The following FGF12 variants were observed in gnomAD, a reference collection of about 807,000 sequenced individuals.
The protein encoded by FGF12 is fibroblast growth factor 12.
Under a neutral mutation model 23.6 loss-of-function variants are expected in FGF12, and 14 were observed. That is an observed-to-expected ratio of 0.59 (90% CI 0.39 to 0.93). The LOEUF (loss-of-function observed/expected upper bound fraction) is 0.93, where lower values mean the gene tolerates loss of function less well. Ranked by LOEUF, FGF12 falls within the 40% of genes least tolerant of loss-of-function variation. The probability of loss-of-function intolerance (pLI) is 0.00; values close to 1 mark genes in which losing one functional copy is unlikely to be tolerated. For synonymous variants in FGF12, 62 were observed against 77.3 expected (o/e 0.80, Z 1.04); for missense variants, 175 against 217.8 (o/e 0.80, Z 1.24).
chr3:192,654,281 T>C (rs896887038), intron 2 of FGF12, among the ~76,000 whole-genome samples: 2 of 152,314 alleles, frequency 1.3e-5, no homozygotes, highest in Middle Eastern at 3.4e-3. Context: ...TAATTAGCAT[T>C]AATGGGTAAT....
chr3:192,546,402 T>A (rs1725494879), intron 2 of FGF12, among the ~76,000 whole-genome samples: 1 of 151,072 alleles, frequency 6.6e-6, no homozygotes, highest in Non-Finnish European at 1.5e-5. Context: ...TATATATATA[T>A]AATTCATAAA....
chr3:192,663,511 A>G (rs1716745877), intron 2 of FGF12, among the ~76,000 whole-genome samples: 1 of 152,092 alleles, frequency 6.6e-6, no homozygotes, highest in Non-Finnish European at 1.5e-5. Flanking sequence ...GCAGATGAGT[A>G]CCCTCAGCCA....
At chr3:192,683,293 A>G (rs561805819) in intron 2 of FGF12, among the ~76,000 whole-genome samples, 1 of 152,306 alleles carries the variant, frequency 6.6e-6, no homozygotes, top group South Asian at 2.1e-4. Flanking sequence ...GGTTAGTGTC[A>G]GATTTGACTT....
At chr3:192,627,879 T>TGTGTGTGTGTGTGTG (rs528823629) in intron 2 of FGF12, among the ~76,000 whole-genome samples, 1 of 151,904 alleles carries the variant, frequency 6.6e-6, no homozygotes, top group Non-Finnish European at 1.5e-5. Context: ...TGTGTGTGTG[T>TGTGTGTGTGTGTGTG]TTAGTTATAT....
chr3:192,554,188 A>C (rs1027389214), intron 2 of FGF12, among the ~76,000 whole-genome samples: 1 of 152,190 alleles, frequency 6.6e-6, no homozygotes, highest in South Asian at 2.1e-4. Flanking sequence ...GATAACATAC[A>C]ACAGACAGAG....
chr3:192,308,714 T>G (rs1416319089), intron 4 of FGF12, among the ~76,000 whole-genome samples: 1 of 151,638 alleles, frequency 6.6e-6, no homozygotes, highest in East Asian at 1.9e-4. Context: ...ACAAATAAAT[T>G]TAAAAAAATA....
chr3:192,492,942 G>A (rs1723842131), intron 2 of FGF12, among the ~76,000 whole-genome samples: 1 of 149,208 alleles, frequency 6.7e-6, no homozygotes, highest in African/African-American at 2.5e-5. Flanking sequence ...TATCATGCCT[G>A]GTTAATTTTT....
chr3:192,451,467 C>A (rs1467567268), intron 2 of FGF12, among the ~76,000 whole-genome samples: 1 of 152,158 alleles, frequency 6.6e-6, no homozygotes. Context: ...AACCAGCCTA[C>A]TGTACCAGGA....
intron 2 of FGF12, among the ~76,000 whole-genome samples, chr3:192,620,243 C>T (rs778955659): frequency 5.5e-5 from 4 of 73,202 alleles, no homozygotes; most frequent in African/African-American, 1.2e-4. Context: ...CACACACACG[C>T]GCGCGCGCGC....
At chr3:192,704,656 A>C (rs1718409915) in intron 2 of FGF12, among the ~76,000 whole-genome samples, 1 of 152,224 alleles carries the variant, frequency 6.6e-6, no homozygotes, top group Admixed American at 6.5e-5. Context: ...CTAACAAAAA[A>C]GTGAGCCTGT....
At chr3:192,638,575 C>T (rs1347609045) in intron 2 of FGF12, among the ~76,000 whole-genome samples, 1 of 152,218 alleles carries the variant, frequency 6.6e-6, no homozygotes, top group East Asian at 1.9e-4. Context: ...CAGTAAAGCA[C>T]TCACTGGCAA....
chr3:192,651,511 T>C (rs971403398), intron 2 of FGF12, among the ~76,000 whole-genome samples: 1 of 152,124 alleles, frequency 6.6e-6, no homozygotes, highest in Non-Finnish European at 1.5e-5. Context: ...CCCCTCGCCT[T>C]TGAAGACAAA....
At chr3:192,343,682 C>T (rs575230340) in intron 3 of FGF12, among the ~76,000 whole-genome samples, 1 of 152,070 alleles carries the variant, frequency 6.6e-6, no homozygotes, top group Non-Finnish European at 1.5e-5. Flanking sequence ...AATGTTCACC[C>T]AGGCAAATTA....
intron 2 of FGF12, among the ~76,000 whole-genome samples, chr3:192,657,409 GAGAGAACTATTAAAAAAAAAAAAC>G (rs1182343425): frequency 5.7e-5 from 7 of 123,006 alleles, no homozygotes; most frequent in African/African-American, 2.1e-4. Flanking sequence ...TTTTTAACTA[GAGAGAACTATTAAAAAAAAAAAAC>G]AGAGAACTAT....
chr3:192,408,347 T>G lies in FGF12; in HGVS notation c.14-47809A>C, dbSNP rs893256788. The G allele has an allele frequency of 7.0e-7, 1 of 1,429,712 alleles. No homozygotes were observed. Among genetic ancestry groups the G allele is most frequent in the Non-Finnish European group, 9.1e-7 (1 of 1,095,876 alleles). 88.6% of individuals were successfully genotyped at this position (1,429,712 alleles called of 1,614,324 possible). Reference sequence around the variant, plus strand: ...AGTCGCGGGGAGGCAGTGCTAAAATTTGAGGAGGCTGCAGTATCGAAAACC... The same window carrying G: ...AGTCGCGGGGAGGCAGTGCTAAAATGTGAGGAGGCTGCAGTATCGAAAACC... On this transcript the variant is annotated intron_variant, in intron 2 of 5. Coordinates refer to ENST00000445105, the MANE Select transcript of FGF12 (RefSeq NM_004113.6). The surrounding 1 kb of genome is among the most constrained non-coding windows in gnomAD (Gnocchi z 7.3).
At chr3:192,455,702 C>T (rs1722659787) in intron 2 of FGF12, among the ~76,000 whole-genome samples, 1 of 152,100 alleles carries the variant, frequency 6.6e-6, no homozygotes, top group South Asian at 2.1e-4. Flanking sequence ...CTCTAATGCA[C>T]TTAGTCTTTA....
chr3:192,412,170 ATT>A (rs1721218978), intron 2 of FGF12, among the ~76,000 whole-genome samples: 1 of 152,190 alleles, frequency 6.6e-6, no homozygotes, highest in Non-Finnish European at 1.5e-5. Context: ...AATATAGTAC[ATT>A]TCTCCAGAAC....
chr3:192,640,998 AG>A (rs1715777015), intron 2 of FGF12, among the ~76,000 whole-genome samples: 1 of 151,478 alleles, frequency 6.6e-6, no homozygotes, highest in Non-Finnish European at 1.5e-5. Context: ...ATTTTTTTGT[AG>A]AGACAGAGGC....
At chr3:192,685,152 G>C (rs143912645) in intron 2 of FGF12, among the ~76,000 whole-genome samples, 7 of 152,050 alleles carry the variant, frequency 4.6e-5, no homozygotes, top group African/African-American at 9.6e-5. Flanking sequence ...CCCAGTTCAC[G>C]CCATTCTCCA....
Sources: allele counts gnomAD v4.1 joint callset (sites outside exome capture counted in the v4.1 genomes callset), GRCh38; gene constraint gnomAD v4.1.1; non-coding constraint Gnocchi (gnomAD v3.1); transcripts MANE v1.5; gene names NCBI Gene and HGNC (gene_info 2026-07-23, HGNC 2026-07-21).